The following RERE variants were observed in gnomAD, a reference collection of about 807,000 sequenced individuals.
RERE encodes the protein arginine-glutamic acid dipeptide repeats protein.
In RERE, 40 loss-of-function variants were observed where a neutral mutation model predicts 146.1. The observed-to-expected ratio is 0.27, with a 90% CI of 0.21 to 0.36. The LOEUF is 0.36. RERE is among the 10% of genes least tolerant of loss of function. The pLI is 1.00. For missense variants in RERE, 1,933 were observed against 2,138.7 expected, an observed-to-expected ratio of 0.90 and a Z score of 1.90; for synonymous variants, 1,003 against 866.0, an observed-to-expected ratio of 1.16 and a Z score of -2.78.
intron 11 of RERE, among the ~76,000 whole-genome samples, chr1:8,438,845 T>C (rs1029274099): frequency 1.3e-5 from 2 of 152,242 alleles, no homozygotes; most frequent in African/African-American, 2.4e-5. Context: ...TCTGGATAGA[T>C]GATAAGCTCA....
intron 11 of RERE, among the ~76,000 whole-genome samples, chr1:8,436,691 A>G (rs1432620671): frequency 6.6e-6 from 1 of 152,268 alleles, no homozygotes; most frequent in East Asian, 1.9e-4. Context: ...CCATACTTTA[A>G]AAAGAAACAG....
At chr1:8,620,277 AAC>A (rs1646901591) in intron 3 of RERE, among the ~76,000 whole-genome samples, 1 of 152,144 alleles carries the variant, frequency 6.6e-6, no homozygotes, top group Non-Finnish European at 1.5e-5. Flanking sequence ...CTGTGGGAAG[AAC>A]ATCAGTGCAG....
At chr1:8,664,050 A>T (rs1490547001) in intron 1 of RERE, among the ~76,000 whole-genome samples, 1 of 152,122 alleles carries the variant, frequency 6.6e-6, no homozygotes. Context: ...ATCAGTTGTT[A>T]ACTTACATCA....
At chr1:8,569,868 G>C (rs1646198217) in intron 4 of RERE, among the ~76,000 whole-genome samples, 1 of 151,892 alleles carries the variant, frequency 6.6e-6, no homozygotes, top group South Asian at 2.1e-4. Flanking sequence ...CTCCAGCCTG[G>C]GTGACAGAGC....
intron 9 of RERE, among the ~76,000 whole-genome samples, chr1:8,496,663 G>A (rs1645050267): frequency 6.6e-6 from 1 of 152,086 alleles, no homozygotes; most frequent in Non-Finnish European, 1.5e-5. Flanking sequence ...GCTCTGTGAC[G>A]ACCGCTCTGT....
Position 8,548,897 on chromosome 1 carries a change from T to C in RERE, c.725+7578A>G, listed in dbSNP as rs576837477. 3.1e-4 allele frequency among the ~76,000 whole-genome samples: 47 copies of C among 152,080 alleles called. 2 individuals carry two copies. In the South Asian group the frequency reaches 8.9e-3, roughly 29 times the overall value. ...CCACTCGGGAGGCTGAAGCAGAGAATTGCATGAACCCAGGAGGCAGAGGTT... is the reference window on the plus strand; with the variant it reads ...CCACTCGGGAGGCTGAAGCAGAGAACTGCATGAACCCAGGAGGCAGAGGTT... On this transcript the variant is annotated intron_variant, in intron 6 of 22. Coordinates refer to ENST00000400908, the MANE Select transcript of RERE (RefSeq NM_001042681.2).
chr1:8,442,238 A>T (rs1021729464), intron 11 of RERE, among the ~76,000 whole-genome samples: 2 of 152,120 alleles, frequency 1.3e-5, no homozygotes, highest in African/African-American at 4.8e-5. Flanking sequence ...TACAAAAATT[A>T]GCCAGGCATA....
At chr1:8,648,723 CAAAT>C (rs1647444588) in intron 2 of RERE, among the ~76,000 whole-genome samples, 1 of 151,914 alleles carries the variant, frequency 6.6e-6, no homozygotes, top group Non-Finnish European at 1.5e-5. Context: ...TCAAAATTGT[CAAAT>C]AAAATGGTCA....
intron 2 of RERE, among the ~76,000 whole-genome samples, chr1:8,649,174 A>G (rs1647471933): frequency 6.6e-6 from 1 of 152,162 alleles, no homozygotes; most frequent in South Asian, 2.1e-4. Flanking sequence ...CTGTGTAATA[A>G]ATCAATTTGT....
chr1:8,516,227 GAAAAAAAA>G (rs58064164), intron 7 of RERE, among the ~76,000 whole-genome samples: 14 of 52,304 alleles, frequency 2.7e-4, no homozygotes, highest in African/African-American at 6.0e-4. Flanking sequence ...TCTCTCAGAG[GAAAAAAAA>G]AAAAAAAAAA....
chr1:8,610,848 A>C (rs1198512316), intron 4 of RERE, among the ~76,000 whole-genome samples: 1 of 151,946 alleles, frequency 6.6e-6, no homozygotes, highest in East Asian at 1.9e-4. Flanking sequence ...ACATGTCAAA[A>C]GAAAAAAAGT....
intron 1 of RERE, among the ~76,000 whole-genome samples, chr1:8,743,127 G>A (rs1640344690): frequency 6.6e-6 from 1 of 152,028 alleles, no homozygotes; most frequent in South Asian, 2.1e-4. Context: ...TGGGCACAGT[G>A]GCTCACACCT....
In RERE at chr1:8,559,280, CAAAAAAA is replaced by C. The variant is rs548075266; in HGVS notation, c.523-1764_523-1758del. 5.1e-3 allele frequency among the ~76,000 whole-genome samples: 61 copies of C among 12,074 alleles called. 2 individuals carry two copies. The highest frequency in any genetic ancestry group is 0.011 in the African/African-American group (42 of 3,716). The allele number at this position is 12,074 out of a possible 152,430, so 7.9% of individuals were successfully genotyped here. ...GGGCAACAAGAGCAAAACTCCAGCT[CAAAAAAA>C]AAAAAAAAAAAAAAAAACAGAACAA... On this transcript the variant is annotated intron_variant, in intron 4 of 22. Transcript: ENST00000400908.
intron 7 of RERE, among the ~76,000 whole-genome samples, chr1:8,511,009 C>G (rs1408284235): frequency 1.3e-5 from 2 of 152,100 alleles, no homozygotes; most frequent in African/African-American, 4.8e-5. Flanking sequence ...CCACCTCAGC[C>G]TCCCAAAGCG....
chr1:8,533,231 AC>A (rs769626383), intron 7 of RERE, among the ~76,000 whole-genome samples: 4 of 152,186 alleles, frequency 2.6e-5, no homozygotes, highest in African/African-American at 9.7e-5. Context: ...TAAAGGGTGG[AC>A]CCCTGATGAC....
intron 7 of RERE, among the ~76,000 whole-genome samples, chr1:8,523,107 A>G (rs1394308660): frequency 1.3e-5 from 2 of 151,762 alleles, no homozygotes; most frequent in African/African-American, 4.8e-5. Flanking sequence ...TAGCCTAGGG[A>G]GGTCCCCAGG....
intron 1 of RERE, among the ~76,000 whole-genome samples, chr1:8,739,693 A>G (rs913885832): frequency 6.6e-6 from 1 of 152,068 alleles, no homozygotes; most frequent in Non-Finnish European, 1.5e-5. Flanking sequence ...ACAATCATCT[A>G]TCAGTTGTCT....
chr1:8,428,402 A>G (rs1188463173), intron 11 of RERE: 1 of 152,216 alleles, frequency 6.6e-6, no homozygotes. Flanking sequence ...TGAGATCCAA[A>G]TATAAATAAA....
chr1:8,721,063 A>T (rs1639855286), intron 1 of RERE, among the ~76,000 whole-genome samples: 2 of 152,212 alleles, frequency 1.3e-5, no homozygotes, highest in African/African-American at 4.8e-5. Flanking sequence ...CAAAAAAAAA[A>T]GTTGTTTTAG....
Sources: allele counts gnomAD v4.1 joint callset (sites outside exome capture counted in the v4.1 genomes callset), GRCh38; gene constraint gnomAD v4.1.1; transcripts MANE v1.5; gene names NCBI Gene and HGNC (gene_info 2026-07-23, HGNC 2026-07-21).